ZNF71: variants seen among roughly 807,000 people sequenced by gnomAD.
ZNF71 encodes the protein endothelial zinc finger protein induced by tumor necrosis factor alpha.
In ZNF71, 3 loss-of-function variants were observed where a neutral mutation model predicts 6.7. The observed-to-expected ratio is 0.45, with a 90% CI of 0.20 to 1.16. The LOEUF (loss-of-function observed/expected upper bound fraction) is 1.16. Ranked by LOEUF, ZNF71 falls within the 50% of genes most tolerant of loss-of-function variation. The probability of loss-of-function intolerance (pLI) is 0.25; values close to 1 mark genes in which losing one functional copy is unlikely to be tolerated. For missense variants in ZNF71, 688 were observed against 728.6 expected (o/e 0.94, Z 0.64); for synonymous variants, 343 against 311.1 (o/e 1.10, Z -1.08).
intron 1 of ZNF71, among the ~76,000 whole-genome samples, chr19:56,596,097 T>G (rs1476290067): frequency 6.6e-6 from 1 of 151,990 alleles, no homozygotes; most frequent in African/African-American, 2.4e-5. Flanking sequence ...ACTGCCTGTG[T>G]CCTTGTCTTT....
chr19:56,601,833 C>T (rs2044673139), intron 2 of ZNF71, among the ~76,000 whole-genome samples: 1 of 152,024 alleles, frequency 6.6e-6, no homozygotes, highest in Non-Finnish European at 1.5e-5. Flanking sequence ...CAGGTGGGCA[C>T]CTGTGGGAAG....
At position 56,624,035 on chromosome 19, in the gene ZNF71, GT is replaced by G. The variant is rs1193939918; in HGVS notation, c.*1280del. 6.0e-6 allele frequency: 1 copy of G among 167,042 alleles called. No homozygotes were observed. Among genetic ancestry groups the G allele is most frequent in the Non-Finnish European group, 1.5e-5 (1 of 68,126 alleles). The allele number at this position is 167,042 out of a possible 1,614,324, so 10.3% of individuals were successfully genotyped here. A position where few individuals can be genotyped will look rare whatever the true frequency, so the allele number is the denominator to read the frequency against. On this transcript the variant is annotated 3_prime_UTR_variant, in exon 4 of 4. Coordinates refer to ENST00000599599, the MANE Select transcript of ZNF71 (RefSeq NM_001370215.1). ...TGAAGCTCTGTTTACACATAAGAGT[GT>G]TCCCCAAAGTGCACTTTCTCTGGGG...
chr19:56,620,147 A>T (rs146464499), intron 3 of ZNF71, among the ~76,000 whole-genome samples: 24 of 152,286 alleles, frequency 1.6e-4, no homozygotes, highest in African/African-American at 5.8e-4. Context: ...GTGTATGAAC[A>T]CTTAGTGCTG....
intron 1 of ZNF71, among the ~76,000 whole-genome samples, chr19:56,596,584 T>G (rs754646937): frequency 6.6e-6 from 1 of 152,206 alleles, no homozygotes; most frequent in African/African-American, 2.4e-5. Flanking sequence ...AAAGGGTCTC[T>G]GTGCCCTACT....
chr19:56,620,165 T>G (rs1036318378), intron 3 of ZNF71, among the ~76,000 whole-genome samples: 1 of 152,038 alleles, frequency 6.6e-6, no homozygotes, highest in Non-Finnish European at 1.5e-5. Flanking sequence ...CTGAGGCTGA[T>G]GAGAGGGCTG....
chr19:56,622,126 G>T lies in ZNF71; in HGVS notation c.1019G>T (p.Ser340Ile). Residue 340 changes from serine to isoleucine, a missense_variant, in exon 4 of 4, where the codon AGC becomes ATC. Coordinates refer to ENST00000599599, the MANE Select transcript of ZNF71 (RefSeq NM_001370215.1). Reference sequence around the variant, plus strand: ...TGCCCCGAGTGCGGGCGAGCCTTCAGCCAGAACATGCACCTGACCGAGCAC... The same window carrying T: ...TGCCCCGAGTGCGGGCGAGCCTTCATCCAGAACATGCACCTGACCGAGCAC... ...YVCPECGRAF[S>I]QNMHLTEHQR... The T allele has an allele frequency of 6.2e-7, 1 of 1,613,168 alleles. No individual in the cohort carries two copies. Among genetic ancestry groups the T allele is most frequent in the East Asian group, 2.2e-5 (1 of 44,784 alleles).
chr19:56,604,972 C>A (rs1356567003), intron 2 of ZNF71, among the ~76,000 whole-genome samples: 5 of 152,172 alleles, frequency 3.3e-5, no homozygotes, highest in Non-Finnish European at 7.3e-5. Flanking sequence ...GGGCCTGTAG[C>A]AAATTGGAGC....
chr19:56,601,114 A>G (rs1039554849), intron 1 of ZNF71, among the ~76,000 whole-genome samples: 1 of 152,046 alleles, frequency 6.6e-6, no homozygotes, highest in Non-Finnish European at 1.5e-5. Flanking sequence ...TGTGTTAACC[A>G]TATCTATAGG....
At chr19:56,606,129 C>T (rs1158438519) in intron 2 of ZNF71, among the ~76,000 whole-genome samples, 1 of 152,136 alleles carries the variant, frequency 6.6e-6, no homozygotes, top group Non-Finnish European at 1.5e-5. Flanking sequence ...GCTTAATGAA[C>T]ATTAGTTATT....
intron 1 of ZNF71, among the ~76,000 whole-genome samples, chr19:56,599,779 C>T (rs1341546584): frequency 2.7e-5 from 4 of 150,792 alleles, no homozygotes; most frequent in African/African-American, 4.9e-5. Flanking sequence ...CTGCAAGCTC[C>T]GCCTCCTGGG....
At position 56,618,191 on chromosome 19, in the gene ZNF71, G is replaced by C. The variant is rs949987861; in HGVS notation, c.161-3077G>C. On this transcript the variant is annotated intron_variant, in intron 3 of 3. Coordinates refer to ENST00000599599, the MANE Select transcript of ZNF71 (RefSeq NM_001370215.1). This position sits in a 1 kb window ranked among gnomAD's most constrained non-coding sequence, Gnocchi z 4.6. ...AGCCACTCCTCAGGAGCCACAGCTC[G>C]GGGGCCACACTGCCAGGGCTTGAAT... Among the ~76,000 whole-genome samples the C allele has an allele frequency of 1.3e-5, 2 of 152,192 alleles. No individual in the cohort carries two copies.
At chr19:56,601,705 C>A in intron 2 of ZNF71, 114 bp downstream of exon 2, 1 of 680,174 alleles carries the variant, frequency 1.5e-6, no homozygotes, top group Non-Finnish European at 1.8e-6. Context: ...GGGGCTGTGT[C>A]TGCCCTGATG....
At chr19:56,596,064 ATG>A (rs1160299405) in intron 1 of ZNF71, among the ~76,000 whole-genome samples, 3 of 151,352 alleles carry the variant, frequency 2.0e-5, no homozygotes, top group Non-Finnish European at 2.9e-5. Context: ...CTGCCTATGC[ATG>A]TGTGGTGATA....
At chr19:56,597,491 G>C (rs1435539548) in intron 1 of ZNF71, among the ~76,000 whole-genome samples, 1 of 152,182 alleles carries the variant, frequency 6.6e-6, no homozygotes, top group Non-Finnish European at 1.5e-5. Flanking sequence ...CCCCAGGCTG[G>C]AAGATGCTGT....
Position 56,621,433 on chromosome 19 carries a change from G to A in ZNF71, c.326G>A (p.Arg109Gln), listed in dbSNP as rs200215840. The part of the protein sequence containing the change: ...WEPGSWPERP[R>Q]GDAGAEWEPL... ...CCAGGCAGCTGGCCAGAGAGGCCGC[G>A]GGGAGATGCAGGTGCAGAGTGGGAG... is the stretch of plus-strand genomic sequence containing the variant. The change falls in exon 4 of 4, where the codon CGG becomes CAG. Residue 109 changes from arginine to glutamine, a missense_variant. By Grantham distance (43) the Arg-to-Gln change is conservative. Transcript: ENST00000599599. 90 of 1,613,828 alleles carry A rather than the reference G, an allele frequency of 5.6e-5. No homozygotes were observed. The highest frequency in any genetic ancestry group is 7.7e-5 in the South Asian group (7 of 91,052).
At chr19:56,595,587 TGAG>T (rs1487096168) in intron 1 of ZNF71, among the ~76,000 whole-genome samples, 159 bp downstream of exon 1, 2 of 151,756 alleles carry the variant, frequency 1.3e-5, no homozygotes, top group African/African-American at 4.8e-5. Context: ...GCTGAGGGGC[TGAG>T]GAGAGGCCGG....
chr19:56,616,056 A>G (rs1360743675), intron 3 of ZNF71, among the ~76,000 whole-genome samples: 4 of 129,350 alleles, frequency 3.1e-5, no homozygotes, highest in Admixed American at 1.7e-4. Flanking sequence ...TTTTAATTCA[A>G]TGAAGTCCAG....
chr19:56,618,815 G>A lies in ZNF71; in HGVS notation c.161-2453G>A, dbSNP rs1446185476. On this transcript the variant is annotated intron_variant, in intron 3 of 3. Transcript: ENST00000599599. The surrounding 1 kb of genome is among the most constrained non-coding windows in gnomAD (Gnocchi z 4.6). ...GCTGGGTGCTGAGGGCCCTGAGGCT[G>A]CTGGAGGTCCTGGCATCATTCTCAG... Among the ~76,000 whole-genome samples, 1 of 152,186 alleles carries A rather than the reference G, an allele frequency of 6.6e-6. No individual in the cohort carries two copies. The highest frequency in any genetic ancestry group is 2.4e-5 in the African/African-American group (1 of 41,446).
At chr19:56,611,622 C>A (rs1342192514) in intron 2 of ZNF71, among the ~76,000 whole-genome samples, 1 of 152,134 alleles carries the variant, frequency 6.6e-6, no homozygotes. Flanking sequence ...CACTTTTAAA[C>A]AGGCATACTA....
Sources: gnomAD v4.1 joint callset for allele counts (sites outside exome capture counted in the v4.1 genomes callset) on GRCh38, gnomAD v4.1.1 for gene constraint, Gnocchi (gnomAD v3.1) non-coding constraint, MANE v1.5 for transcripts, NCBI Gene and HGNC (gene_info 2026-07-23, HGNC 2026-07-21) for gene names.